The following TMEM181 variants were observed in gnomAD, a reference collection of about 807,000 sequenced individuals.
TMEM181 encodes the protein G protein-coupled receptor 178.
TMEM181 carries 39 observed loss-of-function variants against 71.9 expected under a neutral mutation model. That is an observed-to-expected ratio of 0.54 (90% confidence interval 0.42 to 0.71). The LOEUF (loss-of-function observed/expected upper bound fraction) is 0.71, where lower values mean the gene tolerates loss of function less well. Ranked by LOEUF, TMEM181 falls within the 30% of genes least tolerant of loss-of-function variation. TMEM181 has a pLI of 0.00. For missense variants in TMEM181, 595 were observed against 583.0 expected (o/e 1.02, Z -0.21); for synonymous variants, 245 against 228.8 (o/e 1.07, Z -0.64).
intron 10 of TMEM181, 124 bp from the exon 11 acceptor site, chr6:158,623,426 T>A: frequency 1.8e-6 from 1 of 563,984 alleles, no homozygotes; most frequent in Non-Finnish European, 3.1e-6. Context: ...TAAAAATCCT[T>A]CACTGTTGGT....
intron 6 of TMEM181, among the ~76,000 whole-genome samples, chr6:158,597,695 G>A (rs1039437464): frequency 5.3e-5 from 8 of 151,918 alleles, no homozygotes; most frequent in Non-Finnish European, 1.2e-4. Flanking sequence ...TTATTTTCTA[G>A]AGACGGGGTC....
chr6:158,619,227 C>G (rs1009719548), intron 10 of TMEM181, among the ~76,000 whole-genome samples: 46 of 152,154 alleles, frequency 3.0e-4, no homozygotes, highest in African/African-American at 1.1e-3. Flanking sequence ...TCTCTTCTTG[C>G]TTCATTTCAT....
At chr6:158,562,284 A>G (rs1438186817) in intron 1 of TMEM181, among the ~76,000 whole-genome samples, 3 of 152,190 alleles carry the variant, frequency 2.0e-5, no homozygotes, top group Non-Finnish European at 4.4e-5. Context: ...TGATGATGCT[A>G]GGGACGGGAG....
intron 5 of TMEM181, among the ~76,000 whole-genome samples, chr6:158,589,212 A>T (rs1047355857): frequency 1.3e-5 from 2 of 152,170 alleles, no homozygotes; most frequent in African/African-American, 4.8e-5. Flanking sequence ...CCATGTAGAG[A>T]GTGACAGGTT....
chr6:158,556,173 C>T (rs1436430755), upstream of TMEM181, among the ~76,000 whole-genome samples: 3 of 152,078 alleles, frequency 2.0e-5, no homozygotes, highest in South Asian at 2.1e-4. Context: ...GCCTTATAAC[C>T]AAAACGAATC....
chr6:158,564,113 A>G (rs1030993490), intron 1 of TMEM181, among the ~76,000 whole-genome samples: 1 of 152,214 alleles, frequency 6.6e-6, no homozygotes, highest in Admixed American at 6.5e-5. Context: ...GAAATGACTT[A>G]TACCCAAGTT....
At chr6:158,582,665 TAAAAAAGAAA>T (rs1562634493) in intron 3 of TMEM181, among the ~76,000 whole-genome samples, 1 of 151,386 alleles carries the variant, frequency 6.6e-6, no homozygotes, top group Non-Finnish European at 1.5e-5. Context: ...GACCCTGTCT[TAAAAAAGAAA>T]AAAAAAGAAA....
intron 6 of TMEM181, among the ~76,000 whole-genome samples, chr6:158,596,232 A>G (rs567377716): frequency 2.0e-4 from 31 of 152,248 alleles, no homozygotes; most frequent in Middle Eastern, 3.4e-3. Flanking sequence ...TACCTGTCCA[A>G]TTCTTTATAC....
chr6:158,608,280 C>G (rs1785075582), intron 8 of TMEM181, 53 bp from the exon 9 acceptor site: 1 of 1,610,240 alleles, frequency 6.2e-7, no homozygotes, highest in African/African-American at 1.3e-5. Flanking sequence ...GTGCTGTCTG[C>G]CAGGTGCTGG....
intron 1 of TMEM181, among the ~76,000 whole-genome samples, chr6:158,541,761 A>G (rs756364266): frequency 1.3e-5 from 2 of 152,236 alleles, no homozygotes; most frequent in Admixed American, 6.5e-5. Context: ...TAAGCATATC[A>G]GAGGGCCTCA....
rs991997744 is a variant in TMEM181, at chr6:158,619,126, A to C, written c.897-4424A>C. Among the ~76,000 whole-genome samples the C allele has an allele frequency of 2.6e-5, 4 of 152,356 alleles. No homozygotes were observed. In the East Asian group the frequency reaches 7.7e-4, roughly 29 times the overall value. ...TCCATTCTCTCTGTCACTTTCAGAT[A>C]CAACAATCAAACATAGATTTGGTCT... On this transcript the variant is annotated intron_variant, in intron 10 of 16. Transcript: ENST00000684151.
At chr6:158,555,212 C>T (rs1781840257), upstream of TMEM181, among the ~76,000 whole-genome samples, 2 of 152,154 alleles carry the variant, frequency 1.3e-5, no homozygotes, top group East Asian at 1.9e-4. Context: ...CCCTGTGTGG[C>T]AGAAAAAGCA....
intron 10 of TMEM181, among the ~76,000 whole-genome samples, chr6:158,616,198 A>C (rs1440110739): frequency 1.3e-5 from 2 of 152,148 alleles, no homozygotes; most frequent in East Asian, 3.8e-4. Context: ...GAGGTCCTTC[A>C]CATCCCTTGT....
intron 6 of TMEM181, among the ~76,000 whole-genome samples, chr6:158,594,752 A>G (rs967019282): frequency 6.6e-6 from 1 of 152,172 alleles, no homozygotes; most frequent in African/African-American, 2.4e-5. Flanking sequence ...CAATGGCACA[A>G]TCTCAGCTCA....
chr6:158,547,667 C>T (rs943727844), intron 1 of TMEM181, among the ~76,000 whole-genome samples: 14 of 151,964 alleles, frequency 9.2e-5, no homozygotes, highest in Non-Finnish European at 1.9e-4. Flanking sequence ...AACAACGATT[C>T]CAGACCTTCT....
chr6:158,536,666 AAG>A, exon 1 of TMEM181: 1 of 1,509,172 alleles, frequency 6.6e-7, no homozygotes, highest in African/African-American at 1.4e-5. Context: ...GTGCTGGGAG[AAG>A]AGAGGGGGCG....
intron 1 of TMEM181, among the ~76,000 whole-genome samples, chr6:158,546,339 G>C (rs1481816455): frequency 6.6e-6 from 1 of 152,212 alleles, no homozygotes; most frequent in Non-Finnish European, 1.5e-5. Context: ...GGGACAGCTA[G>C]AGGCATTGAT....
intron 10 of TMEM181, among the ~76,000 whole-genome samples, chr6:158,614,166 C>A (rs1472191946): frequency 1.3e-5 from 2 of 152,198 alleles, no homozygotes; most frequent in Non-Finnish European, 2.9e-5. Context: ...TTTCTGGATG[C>A]TCCAGGGGCC....
intron 4 of TMEM181, among the ~76,000 whole-genome samples, chr6:158,584,917 A>T (rs1006075650): frequency 6.6e-6 from 1 of 152,252 alleles, no homozygotes; most frequent in Non-Finnish European, 1.5e-5. Flanking sequence ...AAATGAGAAT[A>T]TAATGAGAAA....
Sources: gnomAD v4.1 joint callset for allele counts (sites outside exome capture counted in the v4.1 genomes callset) on GRCh38, gnomAD v4.1.1 for gene constraint, MANE v1.5 for transcripts, NCBI Gene and HGNC (gene_info 2026-07-23, HGNC 2026-07-21) for gene names.